Variants in TRPM4 observed in about 807,000 individuals in gnomAD.
The protein encoded by TRPM4 is calcium-activated non-selective cation channel 1.
TRPM4 carries 124 observed loss-of-function variants against 135.6 expected under a neutral mutation model. The observed-to-expected ratio is 0.91, with a 90% CI of 0.79 to 1.06. The LOEUF is 1.06. Ranked by LOEUF, TRPM4 falls within the 50% of genes least tolerant of loss-of-function variation. TRPM4 has a pLI of 0.00. For missense variants in TRPM4, 1,658 were observed against 1,671.4 expected, an observed-to-expected ratio of 0.99 and a Z score of 0.14; for synonymous variants, 745 against 705.6, an observed-to-expected ratio of 1.06 and a Z score of -0.88.
At chr19:49,206,848 T>C (rs1206221234) in intron 20 of TRPM4, among the ~76,000 whole-genome samples, 1 of 152,230 alleles carries the variant, frequency 6.6e-6, no homozygotes, top group Non-Finnish European at 1.5e-5. Context: ...TATTTGGTAG[T>C]TTTCAGGCTA....
rs781475700 is a variant in TRPM4, at chr19:49,210,277, G to T, written c.3200G>T (p.Arg1067Leu). 1.4e-5 allele frequency: 23 copies of T among 1,614,092 alleles called. No individual in the cohort carries two copies. The highest frequency in any genetic ancestry group is 1.8e-5 in the Non-Finnish European group (21 of 1,180,052). Reference protein sequence around the residue: ...YWKAQRYRLIREFHSRPALAP... With the variant: ...YWKAQRYRLILEFHSRPALAP... ...AAGGCGCAGCGTTACCGCCTCATCC[G>T]GGAATTCCACTCTCGGCCCGCGCTG... Residue 1067 changes from arginine to leucine, a missense_variant, in exon 21 of 25, where the codon CGG (arginine) becomes CTG (leucine). Arg to Leu is a moderately radical substitution (Grantham distance 102). Coordinates refer to ENST00000252826, the MANE Select transcript of TRPM4 (RefSeq NM_017636.4). This position sits in a 1 kb window ranked among gnomAD's most constrained non-coding sequence, Gnocchi z 4.1.
At chr19:49,181,016 AC>A (rs1439517058) in intron 9 of TRPM4, among the ~76,000 whole-genome samples, 2 of 152,032 alleles carry the variant, frequency 1.3e-5, no homozygotes, top group African/African-American at 4.8e-5. Flanking sequence ...CCCCAATAGA[AC>A]CAGCTTCTTC....
chr19:49,209,838 T>C (rs1969281788), intron 20 of TRPM4, among the ~76,000 whole-genome samples: 1 of 140,898 alleles, frequency 7.1e-6, no homozygotes, highest in Non-Finnish European at 1.5e-5. Flanking sequence ...AACCTCCACC[T>C]CCTGGGTTCA....
intron 9 of TRPM4, among the ~76,000 whole-genome samples, chr19:49,178,326 A>G (rs886720852): frequency 1.3e-5 from 2 of 152,040 alleles, no homozygotes; most frequent in African/African-American, 2.4e-5. Flanking sequence ...CCCTGTCTCA[A>G]AAAACAAAAA....
intron 12 of TRPM4, among the ~76,000 whole-genome samples, chr19:49,186,990 C>A (rs1271781702): frequency 2.0e-5 from 3 of 152,054 alleles, no homozygotes; most frequent in Non-Finnish European, 4.4e-5. Context: ...CAGGGAGCCA[C>A]CAGATAGGGC....
At chr19:49,180,055 C>T (rs1440773219) in intron 9 of TRPM4, among the ~76,000 whole-genome samples, 1 of 152,132 alleles carries the variant, frequency 6.6e-6, no homozygotes, top group Non-Finnish European at 1.5e-5. Context: ...TCTGCCTGCC[C>T]CAGAGCCTAT....
In TRPM4 at chr19:49,181,361, C is replaced by T. The variant is rs771887682; in HGVS notation, c.1163C>T (p.Ser388Leu). The T allele has an allele frequency of 2.2e-5, 35 of 1,613,594 alleles. No individual in the cohort carries two copies. Among genetic ancestry groups the T allele is most frequent in the Admixed American group, 1.8e-4 (11 of 59,958 alleles). ...LKALVKACGS[S>L]EASAYLDELR... ...CTAATCCTTCCAGCCTGTGGGAGCT[C>T]GGAGGCCTCAGCCTACCTGGATGAG... Residue 388 changes from serine (S) to leucine (L), a missense_variant, in exon 10 of 25, where the codon TCG (serine) becomes TTG (leucine). By Grantham distance (145) the Ser-to-Leu change is moderately radical. Around this residue, in one of 3 missense-constraint regions of TRPM4, gnomAD observed 1,412 missense variants for 1,408.7 expected, o/e 1.00. Transcript: ENST00000252826.
chr19:49,187,207 T>A (rs1239083456), intron 12 of TRPM4, among the ~76,000 whole-genome samples: 1 of 151,886 alleles, frequency 6.6e-6, no homozygotes, highest in Non-Finnish European at 1.5e-5. Flanking sequence ...TTTTTTTTTT[T>A]TATAAGTTTT....
chr19:49,196,817 G>T lies in TRPM4; in HGVS notation c.2588G>T (p.Ser863Ile). 6.3e-7 allele frequency: 1 copy of T among 1,590,282 alleles called. No homozygotes were observed. Residue 863 changes from serine to isoleucine, a missense_variant, in exon 17 of 25, where the codon AGC (serine) becomes ATC (isoleucine). Physicochemically the swap from Ser to Ile is moderately radical, Grantham distance 142. Transcript: ENST00000252826. ...SQRLRLYLAD[S>I]WNQCDLVALT... Reference sequence around the variant, plus strand: ...CGCCTGCGCCTCTACCTCGCCGACAGCTGGAACCAGTGCGACCTAGTGGCT... The same window carrying T: ...CGCCTGCGCCTCTACCTCGCCGACATCTGGAACCAGTGCGACCTAGTGGCT...
At chr19:49,183,775 CT>C (rs112249914) in intron 12 of TRPM4, among the ~76,000 whole-genome samples, 2,485 of 124,180 alleles carry the variant, frequency 0.02, 28 homozygotes, top group South Asian at 0.03. Context: ...TTTTCTTTTT[CT>C]TTTTTTTTTT....
At position 49,178,107 on chromosome 19, in the gene TRPM4, G is replaced by A. The variant is rs373632048; in HGVS notation, c.1151-3242G>A. On this transcript the variant is annotated intron_variant, in intron 9 of 24. Transcript: ENST00000252826. ...GCACCTTGGAAGACTAAGGAAGGAG[G>A]TTCGCTTGAGCCCAGGAGTTTGAGA... 3.9e-5 allele frequency among the ~76,000 whole-genome samples: 6 copies of A among 152,302 alleles called. No homozygotes were observed. In the South Asian group the frequency reaches 6.2e-4, roughly 16 times the overall value.
At chr19:49,175,818 G>A (rs7256778) in intron 9 of TRPM4, among the ~76,000 whole-genome samples, 4,446 of 149,934 alleles carry the variant, frequency 0.03, 107 homozygotes, top group African/African-American at 0.055. Flanking sequence ...TAGTAGAGAC[G>A]GAGTTTCACC....
chr19:49,181,538 T>TC, intron 10 of TRPM4, 77 bp downstream of exon 10: 1 of 996,838 alleles, frequency 1.0e-6, no homozygotes, highest in East Asian at 2.5e-5. Context: ...TTCTTTTTTT[T>TC]TTTTTTTTTT....
chr19:49,211,792 C>G lies in TRPM4; in HGVS notation c.*294C>G. On this transcript the variant is annotated 3_prime_UTR_variant, in exon 25 of 25. Transcript: ENST00000252826. The surrounding 1 kb of genome is among the most constrained non-coding windows in gnomAD (Gnocchi z 4.8). ...AACAGGGACCACAGACCCCTCACCA[C>G]TCACAGATTCCTCACACTGGGGAAA... The G allele has an allele frequency of 3.7e-6, 2 of 539,782 alleles. No individual in the cohort carries two copies. The highest frequency in any genetic ancestry group is 6.7e-6 in the Non-Finnish European group (2 of 299,790). 33.4% of individuals were successfully genotyped at this position (539,782 alleles called of 1,614,324 possible).
In TRPM4 at chr19:49,196,588, G is replaced by T; in HGVS notation, c.2359G>T (p.Val787Leu). ...GAPVTIFMGN[V>L]VSYLLFLLLF... ...GCCGGTGACCATCTTCATGGGCAAC[G>T]TGGTCAGCTACCTGCTGTTCCTGCT... is the stretch of plus-strand genomic sequence containing the variant. The change falls in exon 17 of 25, where the codon GTG (valine) becomes TTG (leucine). Residue 787 changes from valine to leucine, a missense_variant. By Grantham distance (32) the Val-to-Leu change is conservative (BLOSUM62 1). Coordinates refer to ENST00000252826, the MANE Select transcript of TRPM4 (RefSeq NM_017636.4). The T allele has an allele frequency of 6.4e-7, 1 of 1,557,408 alleles. No homozygotes were observed.
chr19:49,161,652 C>T (rs1966970277), intron 2 of TRPM4, among the ~76,000 whole-genome samples: 2 of 135,858 alleles, frequency 1.5e-5, no homozygotes, highest in South Asian at 2.3e-4. Flanking sequence ...TTTTTTGAGA[C>T]GGAGTCTCGC....
intron 2 of TRPM4, among the ~76,000 whole-genome samples, chr19:49,164,926 T>C (rs922612990): frequency 1.3e-5 from 2 of 151,600 alleles, no homozygotes; most frequent in African/African-American, 2.4e-5. Context: ...TATTTATTTT[T>C]AGAGACAGGG....
rs188677941 is a variant in TRPM4, at chr19:49,181,414, G to A, written c.1216G>A (p.Val406Met). 1.5e-5 allele frequency: 24 copies of A among 1,613,906 alleles called. No homozygotes were observed. Among genetic ancestry groups the A allele is most frequent in the Admixed American group, 1.0e-4 (6 of 59,978 alleles). The change falls in exon 10 of 25, where the codon GTG becomes ATG. Residue 406 changes from valine to methionine, a missense_variant. By Grantham distance (21) the Val-to-Met change is conservative. Around this residue, in one of 3 missense-constraint regions of TRPM4, gnomAD observed 1,412 missense variants for 1,408.7 expected, o/e 1.00. Transcript: ENST00000252826. ...ELRLAVAWNRVDIAQSELFRG... is the reference protein window; with the variant it reads ...ELRLAVAWNRMDIAQSELFRG... Reference sequence around the variant, plus strand: ...GCGTTTGGCTGTGGCTTGGAACCGCGTGGACATTGCCCAGAGTGAACTCTT... The same window carrying A: ...GCGTTTGGCTGTGGCTTGGAACCGCATGGACATTGCCCAGAGTGAACTCTT...
chr19:49,206,844 G>T lies in TRPM4; in HGVS notation c.3132-3365G>T, dbSNP rs191303036. 7.9e-5 allele frequency among the ~76,000 whole-genome samples: 12 copies of T among 152,300 alleles called. No individual in the cohort carries two copies. The East Asian group carries it at 2.3e-3, about 29-fold the overall frequency. On this transcript the variant is annotated intron_variant, in intron 20 of 24. Transcript: ENST00000252826. Reference sequence around the variant, plus strand: ...TTTAATGCTTTTCCAGCAGTATTTGGTAGTTTTCAGGCTACAAATTGTTCA... The same window carrying T: ...TTTAATGCTTTTCCAGCAGTATTTGTTAGTTTTCAGGCTACAAATTGTTCA...
Sources: gnomAD v4.1 joint callset for allele counts (sites outside exome capture counted in the v4.1 genomes callset) on GRCh38, gnomAD v4.1.1 for gene constraint, gnomAD v4.1.1 regional missense constraint, Gnocchi (gnomAD v3.1) non-coding constraint, MANE v1.5 for transcripts, NCBI Gene and HGNC (gene_info 2026-07-23, HGNC 2026-07-21) for gene names.